Variants in TRPM6 observed in about 807,000 individuals in gnomAD.
TRPM6 encodes the protein transient receptor potential cation channel subfamily M member 6.
In TRPM6, 111 loss-of-function variants were observed where a neutral mutation model predicts 247.6. That is an observed-to-expected ratio of 0.45 (90% confidence interval 0.38 to 0.52). The LOEUF is 0.52. TRPM6 is among the 20% of genes least tolerant of loss of function. TRPM6 has a pLI of 0.00. For synonymous variants in TRPM6, 892 were observed against 853.8 expected, an observed-to-expected ratio of 1.04 and a Z score of -0.78; for missense variants, 2,126 against 2,421.5, an observed-to-expected ratio of 0.88 and a Z score of 2.56.
At chr9:74,784,378 T>C (rs936475531) in intron 21 of TRPM6, among the ~76,000 whole-genome samples, 19 of 152,288 alleles carry the variant, frequency 1.2e-4, no homozygotes, top group African/African-American at 4.1e-4. Context: ...TGGCTCCCCA[T>C]ATATTCCTTT....
intron 1 of TRPM6, among the ~76,000 whole-genome samples, chr9:74,882,029 T>C (rs1387917689): frequency 6.6e-6 from 1 of 152,122 alleles, no homozygotes; most frequent in African/African-American, 2.4e-5. Flanking sequence ...CTCCTATCTC[T>C]CACCATATAC....
chr9:74,821,671 T>A lies in TRPM6; in HGVS notation c.1008A>T (p.Glu336Asp). 2 of 1,614,206 alleles carry A rather than the reference T, an allele frequency of 1.2e-6. No individual in the cohort carries two copies. The highest frequency in any genetic ancestry group is 1.7e-6 in the Non-Finnish European group (2 of 1,180,038). ...LAFTHKHLADEGMLRPQVKEE... is the reference protein window; with the variant it reads ...LAFTHKHLADDGMLRPQVKEE... ...AAAAAGAAGAGCCAACAACTCACCC[T>A]TCATCTGCCAGGTGTTTGTGTGTGA... Residue 336 changes from glutamate (E) to aspartate (D), a missense_variant and splice_region_variant, in exon 8 of 39, where the codon GAA (glutamate) becomes GAT (aspartate). Physicochemically the swap from Glu to Asp is conservative, Grantham distance 45. Around this residue, in one of 3 missense-constraint regions of TRPM6, gnomAD observed 1,082 missense variants for 1,307.9 expected, o/e 0.83. Coordinates refer to ENST00000360774, the MANE Select transcript of TRPM6 (RefSeq NM_017662.5).
At chr9:74,781,773 C>T (rs931508890) in intron 23 of TRPM6, among the ~76,000 whole-genome samples, 5 of 152,152 alleles carry the variant, frequency 3.3e-5, no homozygotes, top group Non-Finnish European at 7.3e-5. Flanking sequence ...CTAATCACAA[C>T]TCAAGATCTC....
intron 19 of TRPM6, among the ~76,000 whole-genome samples, chr9:74,791,174 A>G (rs1827885506): frequency 6.6e-6 from 1 of 152,236 alleles, no homozygotes. Flanking sequence ...CACTCCTGTC[A>G]GAGTCTTTCG....
chr9:74,738,395 A>G lies in TRPM6; in HGVS notation c.5776+12T>C. On this transcript the variant is annotated intron_variant, in intron 36 of 38. Transcript: ENST00000360774. ...TCATGCTTGTTGTATCAAATCCTAC[A>G]TCATCAATCACCTTGCAAATCTAAA... The G allele has an allele frequency of 3.1e-6, 5 of 1,613,396 alleles. No homozygotes were observed. Among genetic ancestry groups the G allele is most frequent in the Non-Finnish European group, 4.2e-6 (5 of 1,179,774 alleles).
chr9:74,811,469 A>G (rs554507383), intron 12 of TRPM6, among the ~76,000 whole-genome samples: 1 of 152,372 alleles, frequency 6.6e-6, no homozygotes, highest in South Asian at 2.1e-4. Flanking sequence ...AGAAGTGTCC[A>G]TGGCTTGAGC....
At chr9:74,820,525 A>T in intron 8 of TRPM6, 98 bp from the exon 9 acceptor site, 1 of 1,454,618 alleles carries the variant, frequency 6.9e-7, no homozygotes, top group Non-Finnish European at 9.5e-7. Flanking sequence ...CAGACTGAAA[A>T]GGTGTCTATG....
chr9:74,843,488 A>C (rs941462830), intron 3 of TRPM6, among the ~76,000 whole-genome samples: 5 of 152,168 alleles, frequency 3.3e-5, no homozygotes, highest in Non-Finnish European at 5.9e-5. Flanking sequence ...CAGCAGCTAA[A>C]GTCATACCAA....
rs1057515639 is a variant in TRPM6 at position 74,786,007 on chromosome 9, C to A, written c.2786G>T (p.Trp929Leu). The A allele has an allele frequency of 1.2e-6, 2 of 1,614,192 alleles. No individual in the cohort carries two copies. Among genetic ancestry groups the A allele is most frequent in the Non-Finnish European group, 1.7e-6 (2 of 1,180,038 alleles). Residue 929 changes from tryptophan to leucine, a missense_variant, in exon 21 of 39, where the codon TGG (tryptophan) becomes TTG (leucine). Trp to Leu is a moderately conservative substitution (Grantham distance 61, BLOSUM62 -2). Around this residue, in one of 3 missense-constraint regions of TRPM6, gnomAD observed 1,082 missense variants for 1,307.9 expected, o/e 0.83. Transcript: ENST00000360774. ...GLFSAGFVLR[W>L]GDPPFHTAGR... ...CGCTGTGTGAAAAGGAGGGTCACCC[C>A]ATCGAAGGACGAAGCCAGCTGAAAA...
At chr9:74,745,283 T>C (rs1234070563) in intron 31 of TRPM6, among the ~76,000 whole-genome samples, 2 of 152,220 alleles carry the variant, frequency 1.3e-5, no homozygotes, top group Admixed American at 6.5e-5. Flanking sequence ...TAAGGAGCTG[T>C]GAGACCACAT....
intron 4 of TRPM6, among the ~76,000 whole-genome samples, chr9:74,841,702 G>A (rs1829943910): frequency 6.6e-6 from 1 of 151,938 alleles, no homozygotes; most frequent in African/African-American, 2.4e-5. Flanking sequence ...ATGGGTTTTC[G>A]CCATGTTGGC....
intron 36 of TRPM6, among the ~76,000 whole-genome samples, chr9:74,734,679 C>G (rs1490030921): frequency 6.6e-6 from 1 of 152,166 alleles, no homozygotes; most frequent in Non-Finnish European, 1.5e-5. Flanking sequence ...TTTCTCCTAT[C>G]AAGAACTTCT....
At chr9:74,778,298 C>A (rs1219280606) in intron 23 of TRPM6, among the ~76,000 whole-genome samples, 1 of 152,164 alleles carries the variant, frequency 6.6e-6, no homozygotes, top group Non-Finnish European at 1.5e-5. Context: ...CTGTGGGAGG[C>A]CCCATCTGAC....
chr9:74,804,968 G>A (rs1564023079), intron 14 of TRPM6, among the ~76,000 whole-genome samples: 1 of 152,080 alleles, frequency 6.6e-6, no homozygotes, highest in African/African-American at 2.4e-5. Flanking sequence ...TAAAAATTTT[G>A]TTTGAAATGT....
intron 1 of TRPM6, among the ~76,000 whole-genome samples, chr9:74,886,844 G>A (rs1308841943): frequency 2.0e-5 from 3 of 152,238 alleles, no homozygotes; most frequent in African/African-American, 7.2e-5. Context: ...ATCACAGGTA[G>A]TGATGCAGCT....
In TRPM6 at chr9:74,822,644, A is replaced by G. The variant is rs534362463; in HGVS notation, c.842-807T>C. On this transcript the variant is annotated intron_variant, in intron 7 of 38. Transcript: ENST00000360774. ...TGCATTGCCATTTATTTCATTTTTT[A>G]TTGTTTGAATTTTTTATCATGACTA... 3.9e-5 allele frequency among the ~76,000 whole-genome samples: 6 copies of G among 152,050 alleles called. No homozygotes were observed. In the East Asian group the frequency reaches 1.2e-3, roughly 29 times the overall value.
Position 74,762,062 on chromosome 9 carries a change from C to A in TRPM6, c.4609G>T (p.Ala1537Ser), listed in dbSNP as rs779624727. 1.9e-6 allele frequency: 3 copies of A among 1,614,056 alleles called. No individual in the cohort carries two copies. Among genetic ancestry groups the A allele is most frequent in the South Asian group, 2.2e-5 (2 of 91,094 alleles). Residue 1537 changes from alanine (A) to serine (S), a missense_variant, in exon 26 of 39, where the codon GCT becomes TCT. By Grantham distance (99) the Ala-to-Ser change is moderately conservative. Transcript: ENST00000360774. ...TGGAATCTAAAACTATGACTCCTAG[C>A]GAAGGGCCTGTATCTGCGGAGAGGA... ...INPLRRYRPF[A>S]RSHSFRFHKE... is the part of the protein sequence containing the mutation.
chr9:74,782,308 C>T, intron 23 of TRPM6, 54 bp downstream of exon 23: 1 of 1,339,156 alleles, frequency 7.5e-7, no homozygotes, highest in Non-Finnish European at 1.1e-6. Context: ...ATCTACTCAA[C>T]ATATCTGCCC....
rs1267773703 is a variant in TRPM6 at position 74,881,083 on chromosome 9, C to T, written c.33+6741G>A. ...GCCCAAATGGGAGGATCACTTGAGG[C>T]CAGGAGTTCAAGACCAGCCTGGTCA... On this transcript the variant is annotated intron_variant, in intron 1 of 38. Coordinates refer to ENST00000360774, the MANE Select transcript of TRPM6 (RefSeq NM_017662.5). 3.9e-5 allele frequency among the ~76,000 whole-genome samples: 6 copies of T among 151,970 alleles called. 1 individual carries two copies. The South Asian group carries it at 1.0e-3, about 26-fold the overall frequency.
Sources: gnomAD v4.1 joint callset for allele counts (sites outside exome capture counted in the v4.1 genomes callset) on GRCh38, gnomAD v4.1.1 for gene constraint, gnomAD v4.1.1 regional missense constraint, MANE v1.5 for transcripts, NCBI Gene and HGNC (gene_info 2026-07-23, HGNC 2026-07-21) for gene names.